Variants in MYO3B observed in about 807,000 individuals in gnomAD.
The protein encoded by MYO3B is myosin-IIIb.
MYO3B carries 156 observed loss-of-function variants against 174.6 expected under a neutral mutation model. The observed-to-expected ratio is 0.89, with a 90% confidence interval of 0.78 to 1.02. The LOEUF (loss-of-function observed/expected upper bound fraction) is 1.02. MYO3B is among the 50% of genes least tolerant of loss of function. The probability of loss-of-function intolerance (pLI) is 0.00; values close to 1 mark genes in which losing one functional copy is unlikely to be tolerated. For synonymous variants in MYO3B, 563 were observed against 569.1 expected (o/e 0.99, Z 0.15); for missense variants, 1,632 against 1,639.4 (o/e 1.00, Z 0.08).
chr2:170,537,523 G>A (rs1689799405), intron 30 of MYO3B, among the ~76,000 whole-genome samples: 1 of 119,824 alleles, frequency 8.3e-6, no homozygotes, highest in Admixed American at 1.1e-4. Context: ...ATAGCTCACT[G>A]CAGCCTCGAC....
chr2:170,270,398 T>G (rs1283801207), intron 7 of MYO3B, among the ~76,000 whole-genome samples: 1 of 152,098 alleles, frequency 6.6e-6, no homozygotes, highest in Non-Finnish European at 1.5e-5. Context: ...ACCAGAGATT[T>G]TAAAAAATGA....
At chr2:170,631,754 A>G (rs148887140) in intron 32 of MYO3B, among the ~76,000 whole-genome samples, 4 of 152,324 alleles carry the variant, frequency 2.6e-5, no homozygotes, top group African/African-American at 9.6e-5. Context: ...AATATTCAAC[A>G]TTCAATGTGC....
At chr2:170,645,109 C>A (rs1281356387) in intron 32 of MYO3B, among the ~76,000 whole-genome samples, 1 of 152,006 alleles carries the variant, frequency 6.6e-6, no homozygotes, top group African/African-American at 2.4e-5. Flanking sequence ...GGCATCTATG[C>A]GAGGTAGAAA....
intron 30 of MYO3B, chr2:170,519,972 CAAAAAAA>C (rs11315187): frequency 3.2e-5 from 3 of 92,366 alleles, no homozygotes; most frequent in Non-Finnish European, 4.2e-5. Context: ...GACTCTGTCT[CAAAAAAA>C]AAAAAAAAAA....
chr2:170,301,208 C>A (rs2093663128), intron 7 of MYO3B, among the ~76,000 whole-genome samples: 2 of 152,180 alleles, frequency 1.3e-5, no homozygotes. Flanking sequence ...TTATCTGCAC[C>A]AGCTGCTCAA....
chr2:170,480,467 C>G (rs1481630256), intron 25 of MYO3B, among the ~76,000 whole-genome samples: 1 of 152,200 alleles, frequency 6.6e-6, no homozygotes, highest in Admixed American at 6.5e-5. Flanking sequence ...TCATCTGTAT[C>G]CTTTGCAGTA....
chr2:170,358,610 TA>T (rs1446882686), intron 8 of MYO3B, among the ~76,000 whole-genome samples: 1 of 152,226 alleles, frequency 6.6e-6, no homozygotes, highest in East Asian at 1.9e-4. Flanking sequence ...AAACCTATTA[TA>T]AGAATTATTA....
chr2:170,638,491 A>T (rs1225675822), intron 32 of MYO3B, among the ~76,000 whole-genome samples: 1 of 152,238 alleles, frequency 6.6e-6, no homozygotes, highest in East Asian at 1.9e-4. Flanking sequence ...AATTCCAACA[A>T]GCTGAAAAGC....
chr2:170,432,463 T>C (rs1286319185), intron 22 of MYO3B, among the ~76,000 whole-genome samples: 1 of 152,068 alleles, frequency 6.6e-6, no homozygotes, highest in African/African-American at 2.4e-5. Flanking sequence ...CATCTTACAA[T>C]GTGTGTTTTA....
intron 9 of MYO3B, among the ~76,000 whole-genome samples, chr2:170,370,668 C>T (rs1034659475): frequency 4.6e-5 from 6 of 129,064 alleles, no homozygotes; most frequent in African/African-American, 1.2e-4. Flanking sequence ...CACACACACA[C>T]ACACACAGCA....
At chr2:170,581,590 C>T (rs538274935) in intron 32 of MYO3B, among the ~76,000 whole-genome samples, 4 of 149,908 alleles carry the variant, frequency 2.7e-5, no homozygotes, top group South Asian at 2.1e-4. Context: ...CTTTTTTTTT[C>T]ACACATAGGT....
intron 32 of MYO3B, among the ~76,000 whole-genome samples, chr2:170,627,370 CGTA>C: frequency 6.6e-6 from 1 of 152,270 alleles, no homozygotes; most frequent in East Asian, 1.9e-4. Flanking sequence ...GCATTCATCA[CGTA>C]GTTCTCTTGC....
intron 22 of MYO3B, among the ~76,000 whole-genome samples, chr2:170,439,296 C>G (rs150013322): frequency 0.011 from 1,626 of 151,908 alleles, 36 homozygotes; most frequent in African/African-American, 0.037. Flanking sequence ...GGCGTGAACC[C>G]AGGAAGTAGA....
intron 30 of MYO3B, among the ~76,000 whole-genome samples, chr2:170,540,071 G>A (rs1420114638): frequency 1.3e-5 from 2 of 152,058 alleles, no homozygotes; most frequent in African/African-American, 4.8e-5. Context: ...TGTAAAAATA[G>A]GTTATTTTAG....
At chr2:170,493,276 G>A (rs890014230) in intron 25 of MYO3B, among the ~76,000 whole-genome samples, 1 of 151,984 alleles carries the variant, frequency 6.6e-6, no homozygotes, top group Non-Finnish European at 1.5e-5. Flanking sequence ...TTTTTGTGTA[G>A]GCAAGTTTAT....
At chr2:170,431,030 A>G (rs905159578) in intron 22 of MYO3B, among the ~76,000 whole-genome samples, 1 of 152,224 alleles carries the variant, frequency 6.6e-6, no homozygotes, top group South Asian at 2.1e-4. Flanking sequence ...TGAGATTGGA[A>G]TAAGCCATTC....
At chr2:170,490,511 C>T (rs1011743411) in intron 25 of MYO3B, among the ~76,000 whole-genome samples, 103 of 151,360 alleles carry the variant, frequency 6.8e-4, no homozygotes, top group African/African-American at 2.5e-3. Context: ...CTACTTACGC[C>T]CTTCAAACAT....
intron 32 of MYO3B, among the ~76,000 whole-genome samples, chr2:170,637,948 T>C (rs1053617201): frequency 4.6e-5 from 7 of 152,222 alleles, no homozygotes; most frequent in African/African-American, 1.7e-4. Context: ...GACTGAAAGA[T>C]CACAACTGCA....
intron 32 of MYO3B, among the ~76,000 whole-genome samples, chr2:170,595,662 C>T (rs748179257): frequency 3.3e-5 from 5 of 152,074 alleles, no homozygotes; most frequent in Non-Finnish European, 4.4e-5. Flanking sequence ...TAGTCTTGAA[C>T]CCTGGGCTCA....
Sources: gnomAD v4.1 joint callset for allele counts (sites outside exome capture counted in the v4.1 genomes callset) on GRCh38, gnomAD v4.1.1 for gene constraint, MANE v1.5 for transcripts, NCBI Gene and HGNC (gene_info 2026-07-23, HGNC 2026-07-21) for gene names.